The following MAPT variants were observed in gnomAD, a reference collection of about 807,000 sequenced individuals.
MAPT encodes microtubule associated protein tau.
Under a neutral mutation model 67.9 loss-of-function variants are expected in MAPT, and 34 were observed. That is an observed-to-expected ratio of 0.50 (90% CI 0.38 to 0.67). The LOEUF (loss-of-function observed/expected upper bound fraction) is 0.67, where lower values mean the gene tolerates loss of function less well. MAPT is among the 30% of genes least tolerant of loss of function. MAPT has a pLI of 0.00. For missense variants in MAPT, 881 were observed against 1,115.2 expected (o/e 0.79, Z 2.99); for synonymous variants, 456 against 464.5 (o/e 0.98, Z 0.23).
chr17:45,919,293 G>T (rs931003704), intron 1 of MAPT, among the ~76,000 whole-genome samples: 1 of 151,992 alleles, frequency 6.6e-6, no homozygotes, highest in Non-Finnish European at 1.5e-5. Flanking sequence ...TCCTGGGACC[G>T]ATTGTGTTCT....
At chr17:45,927,315 T>C (rs551261990) in intron 1 of MAPT, among the ~76,000 whole-genome samples, 2 of 152,226 alleles carry the variant, frequency 1.3e-5, no homozygotes, top group Admixed American at 6.5e-5. Flanking sequence ...TGAGGTGTGG[T>C]TGACTTAGGA....
chr17:45,927,446 A>G (rs2066446949), intron 1 of MAPT, among the ~76,000 whole-genome samples: 1 of 152,096 alleles, frequency 6.6e-6, no homozygotes. Flanking sequence ...TTCACGGCCA[A>G]AGTCCACCCT....
chr17:45,974,551 G>A (rs2072113336), intron 3 of MAPT: 2 of 1,153,172 alleles, frequency 1.7e-6, no homozygotes, highest in African/African-American at 3.0e-5. Flanking sequence ...AAGTGAGGGA[G>A]CTTTGCGTGT....
chr17:45,961,959 G>A lies in MAPT; in HGVS notation c.-17-362G>A, dbSNP rs150870754. Among the ~76,000 whole-genome samples the A allele has an allele frequency of 3.8e-3, 575 of 152,146 alleles. 9 individuals are homozygous for A. Among genetic ancestry groups the A allele is most frequent in the East Asian group, 0.038 (195 of 5,178 alleles). ...CTGGCTAATTATTGTATTTTTAGTAGAGATGGGGTTTTACCATGTTGGCCA... is the reference window on the plus strand; with the variant it reads ...CTGGCTAATTATTGTATTTTTAGTAAAGATGGGGTTTTACCATGTTGGCCA... On this transcript the variant is annotated intron_variant, in intron 1 of 12. Transcript: ENST00000262410.
At chr17:45,968,042 C>T (rs1397542592) in intron 2 of MAPT, among the ~76,000 whole-genome samples, 1 of 152,126 alleles carries the variant, frequency 6.6e-6, no homozygotes, top group African/African-American at 2.4e-5. Flanking sequence ...TTACACCCTC[C>T]GCCCTTCATC....
At chr17:45,924,032 C>T (rs186500557) in intron 1 of MAPT, among the ~76,000 whole-genome samples, 1 of 152,202 alleles carries the variant, frequency 6.6e-6, no homozygotes, top group Non-Finnish European at 1.5e-5. Flanking sequence ...ATGAAAGACC[C>T]TTAAATACAT....
At position 46,027,948 on chromosome 17, in the gene MAPT, T is replaced by TC. The variant is rs1170966233; in HGVS notation, c.*3778dup. 6.5e-6 allele frequency: 1 copy of TC among 152,994 alleles called. No homozygotes were observed. The highest frequency in any genetic ancestry group is 3.2e-3 in the Middle Eastern group (1 of 316). The allele number at this position is 152,994 out of a possible 1,614,324, so 9.5% of individuals were successfully genotyped here. A position where few individuals can be genotyped will look rare whatever the true frequency, so the allele number is the denominator to read the frequency against. On this transcript the variant is annotated 3_prime_UTR_variant, in exon 13 of 13. Transcript: ENST00000262410. ...GCTGAGATCACTCGCTTCACCCTCC[T>TC]CATCTTTGTTCTCCAAGTAAAGCCA...
At chr17:46,023,504 G>C (rs1423354515) in intron 12 of MAPT, among the ~76,000 whole-genome samples, 1 of 152,176 alleles carries the variant, frequency 6.6e-6, no homozygotes, top group African/African-American at 2.4e-5. Flanking sequence ...GCAGGTCAGG[G>C]AAGGAGTGGG....
At chr17:45,920,683 C>T (rs1032617679) in intron 1 of MAPT, among the ~76,000 whole-genome samples, 1 of 152,222 alleles carries the variant, frequency 6.6e-6, no homozygotes, top group South Asian at 2.1e-4. Flanking sequence ...GTCCTGTGAC[C>T]TCTATACACC....
intron 1 of MAPT, among the ~76,000 whole-genome samples, chr17:45,916,343 G>C (rs114020901): frequency 0.015 from 2,318 of 152,302 alleles, 64 homozygotes; most frequent in African/African-American, 0.053. Flanking sequence ...TTTTCCTGAC[G>C]TGGAGCCCGA....
At position 45,997,082 on chromosome 17, in the gene MAPT, C is replaced by T. The variant is rs1172447881; in HGVS notation, c.1998+418C>T. 2.6e-5 allele frequency among the ~76,000 whole-genome samples: 4 copies of T among 152,342 alleles called. No homozygotes were observed. In the South Asian group the frequency reaches 8.3e-4, roughly 32 times the overall value. ...CCACCCATAGGTCAGCATCTCCACT[C>T]GTGGGCCATCTGCTTAGGTTGGGTT... On this transcript the variant is annotated intron_variant, in intron 9 of 12. Coordinates refer to ENST00000262410, the MANE Select transcript of MAPT (RefSeq NM_001377265.1).
At position 45,950,058 on chromosome 17, in the gene MAPT, T is replaced by G. The variant is rs545219041; in HGVS notation, c.-17-12263T>G. Among the ~76,000 whole-genome samples, 124 of 151,918 alleles carry G rather than the reference T, an allele frequency of 8.2e-4. 2 individuals carry two copies. The Middle Eastern group carries it at 0.017, about 21-fold the overall frequency. ...GGGCAAAGCTGTCGGGAATCCTGCC[T>G]TGAGGGCAGGGATGTGTGTTGGGGG... On this transcript the variant is annotated intron_variant, in intron 1 of 12. Transcript: ENST00000262410.
intron 10 of MAPT, among the ~76,000 whole-genome samples, chr17:46,011,711 G>A (rs2075829334): frequency 6.6e-6 from 1 of 152,154 alleles, no homozygotes; most frequent in African/African-American, 2.4e-5. Flanking sequence ...GCCCTGGCTG[G>A]CAGTACCGGG....
rs894151956 is a variant in MAPT, at chr17:46,010,651, G to A, written c.2091+249G>A. Among the ~76,000 whole-genome samples the A allele has an allele frequency of 6.6e-6, 1 of 152,194 alleles. No individual in the cohort carries two copies. The highest frequency in any genetic ancestry group is 2.4e-5 in the African/African-American group (1 of 41,444). ...ATTTCTGGGTCCCCCAGCCTGCGCA[G>A]GCTGTGTGGACAGAATAGGGCAGAT... On this transcript the variant is annotated intron_variant, in intron 10 of 12. Coordinates refer to ENST00000262410, the MANE Select transcript of MAPT (RefSeq NM_001377265.1). This position sits in a 1 kb window ranked among gnomAD's most constrained non-coding sequence, Gnocchi z 4.7.
intron 6 of MAPT, among the ~76,000 whole-genome samples, chr17:45,989,519 T>C (rs1034676163): frequency 2.0e-5 from 3 of 151,902 alleles, no homozygotes; most frequent in Admixed American, 6.6e-5. Context: ...GGCGTGGTGG[T>C]GGGCGCCTGT....
chr17:45,969,910 A>G (rs1266303028), intron 2 of MAPT, among the ~76,000 whole-genome samples: 1 of 150,830 alleles, frequency 6.6e-6, no homozygotes, highest in Admixed American at 6.6e-5. Flanking sequence ...TATCCATTTG[A>G]TCATACATAT....
chr17:46,004,369 C>G (rs1200346944), intron 9 of MAPT, among the ~76,000 whole-genome samples: 10 of 152,162 alleles, frequency 6.6e-5, no homozygotes. Flanking sequence ...ACACACACCC[C>G]CAGCCCCACC....
chr17:45,897,550 T>C lies in MAPT; in HGVS notation c.-18+2864T>C, dbSNP rs1381613184. 2 of 152,190 alleles carry C rather than the reference T, an allele frequency of 1.3e-5. No homozygotes were observed. Among genetic ancestry groups the C allele is most frequent in the Non-Finnish European group, 2.9e-5 (2 of 68,076 alleles). The allele number at this position is 152,190 out of a possible 1,614,324, so 9.4% of individuals were successfully genotyped here. A position where few individuals can be genotyped will look rare whatever the true frequency, so the allele number is the denominator to read the frequency against. On this transcript the variant is annotated intron_variant, in intron 1 of 12. Coordinates refer to ENST00000262410, the MANE Select transcript of MAPT (RefSeq NM_001377265.1). The surrounding 1 kb of genome is among the most constrained non-coding windows in gnomAD (Gnocchi z 5.0). ...TCCAGGACCTCGAGGGATGCAGCTT[T>C]TGCGCGGATGACGGTGGGGTGCTGA...
intron 1 of MAPT, among the ~76,000 whole-genome samples, chr17:45,956,281 TA>T (rs1460486078): frequency 6.6e-6 from 1 of 152,132 alleles, no homozygotes; most frequent in Non-Finnish European, 1.5e-5. Flanking sequence ...CTTTCCTCAC[TA>T]CCAGCCTGTC....
Sources: gnomAD v4.1 joint callset for allele counts (sites outside exome capture counted in the v4.1 genomes callset) on GRCh38, gnomAD v4.1.1 for gene constraint, Gnocchi (gnomAD v3.1) non-coding constraint, MANE v1.5 for transcripts, NCBI Gene and HGNC (gene_info 2026-07-23, HGNC 2026-07-21) for gene names.